Variants in TRIP13 observed in about 807,000 individuals in gnomAD.
The protein encoded by TRIP13 is thyroid hormone receptor interactor 13, also known as pachytene checkpoint protein 2 homolog.
TRIP13 carries 25 observed loss-of-function variants against 54.4 expected under a neutral mutation model. That is an observed-to-expected ratio of 0.46 (90% confidence interval 0.33 to 0.64). The LOEUF (loss-of-function observed/expected upper bound fraction) is 0.64. TRIP13 is among the 30% of genes least tolerant of loss of function. The pLI, the probability that TRIP13 is intolerant of heterozygous loss-of-function variation, is 0.02. For missense variants in TRIP13, 373 were observed against 534.2 expected (o/e 0.70, Z 2.97); for synonymous variants, 207 against 207.8 (o/e 1.00, Z 0.03).
At chr5:903,925 C>T (rs1754050722) in intron 5 of TRIP13, among the ~76,000 whole-genome samples, 1 of 152,034 alleles carries the variant, frequency 6.6e-6, no homozygotes, top group Non-Finnish European at 1.5e-5. Context: ...GAGGCTGAGA[C>T]CAGAAATACG....
rs986218731 is a variant in TRIP13 at position 917,668 on chromosome 5, T to C, written c.*565T>C. ...ATTATACCAACTGAGAAAAAAATGG[T>C]CGGTAAAGTGTTCTTTCATAATAAA... is the stretch of plus-strand genomic sequence containing the variant. On this transcript the variant is annotated 3_prime_UTR_variant, in exon 13 of 13. Transcript: ENST00000166345. 3.3e-5 allele frequency: 5 copies of C among 152,240 alleles called. No homozygotes were observed. The highest frequency in any genetic ancestry group is 1.3e-4 in the Admixed American group (2 of 15,272). 9.4% of individuals were successfully genotyped at this position (152,240 alleles called of 1,614,324 possible).
Position 907,099 on chromosome 5 carries a change from T to G in TRIP13, c.609-31T>G, listed in dbSNP as rs763312933. ...GCTGAGGATCCACAGGACCAGTTAG[T>G]AATTCTCTCAACTCCTTTTTTCTAT... On this transcript the variant is annotated intron_variant, in intron 6 of 12. Coordinates refer to ENST00000166345, the MANE Select transcript of TRIP13 (RefSeq NM_004237.4). This position sits in a 1 kb window ranked among gnomAD's most constrained non-coding sequence, Gnocchi z 4.1. The G allele has an allele frequency of 6.2e-7, 1 of 1,602,586 alleles. No homozygotes were observed. Among genetic ancestry groups the G allele is most frequent in the East Asian group, 2.2e-5 (1 of 44,824 alleles).
intron 6 of TRIP13, among the ~76,000 whole-genome samples, chr5:906,831 T>C (rs1053753134): frequency 6.6e-6 from 1 of 152,232 alleles, no homozygotes; most frequent in African/African-American, 2.4e-5. Flanking sequence ...TTGTTTTCTG[T>C]CTTATGTTAG....
intron 12 of TRIP13, 117 bp downstream of exon 12, chr5:916,090 C>G (rs931779189): frequency 1.6e-5 from 18 of 1,115,548 alleles, no homozygotes; most frequent in Non-Finnish European, 2.1e-5. Flanking sequence ...TTCTAAACCA[C>G]AGGGTCCTGG....
chr5:911,691 T>G lies in TRIP13; in HGVS notation c.867-152T>G. On this transcript the variant is annotated intron_variant, in intron 9 of 12. Transcript: ENST00000166345. This position sits in a 1 kb window ranked among gnomAD's most constrained non-coding sequence, Gnocchi z 4.7. The stretch of plus-strand genomic sequence containing the variant: ...AGCAGCGAGAGCAAAGGCTGGGGGG[T>G]CTGCGTGGCCTGTGTTGGCACAAGG... The G allele has an allele frequency of 3.5e-6, 3 of 852,598 alleles. No individual in the cohort carries two copies. Among genetic ancestry groups the G allele is most frequent in the East Asian group, 2.9e-5 (1 of 34,882 alleles). 52.8% of individuals were successfully genotyped at this position (852,598 alleles called of 1,614,324 possible). A position where few individuals can be genotyped will look rare whatever the true frequency, so the allele number is the denominator to read the frequency against.
Position 892,943 on chromosome 5 carries a change from G to C in TRIP13, c.-56G>C, listed in dbSNP as rs971984864. On this transcript the variant is annotated 5_prime_UTR_variant, in exon 1 of 13. Coordinates refer to ENST00000166345, the MANE Select transcript of TRIP13 (RefSeq NM_004237.4). ...GCAGCGGCTGTGGCGGCGACGCTGG[G>C]CGTGAGGTGGCGGCGGCCGCGCCCT... 9 of 1,411,286 alleles carry C rather than the reference G, an allele frequency of 6.4e-6. No individual in the cohort carries two copies. Among genetic ancestry groups the C allele is most frequent in the Non-Finnish European group, 8.4e-6 (9 of 1,076,146 alleles). The allele number at this position is 1,411,286 out of a possible 1,614,324, so 87.4% of individuals were successfully genotyped here. A position where few individuals can be genotyped will look rare whatever the true frequency, so the allele number is the denominator to read the frequency against.
At position 894,778 on chromosome 5, in the gene TRIP13, T is replaced by G. The variant is rs771033212; in HGVS notation, c.93-9T>G. The G allele has an allele frequency of 4.4e-6, 7 of 1,584,386 alleles. No homozygotes were observed. The highest frequency in any genetic ancestry group is 6.0e-6 in the Non-Finnish European group (7 of 1,167,816). ...GATCATTTATGTGTGTTTTGGCTTC[T>G]TTTTTTAGCACTGCAAAGAAAGAAG... On this transcript the variant is annotated splice_polypyrimidine_tract_variant and intron_variant, in intron 1 of 12. Coordinates refer to ENST00000166345, the MANE Select transcript of TRIP13 (RefSeq NM_004237.4).
intron 9 of TRIP13, chr5:909,022 A>G (rs1329675412): frequency 6.3e-6 from 1 of 158,818 alleles, no homozygotes; most frequent in African/African-American, 2.4e-5. Flanking sequence ...AGAAAAGCAT[A>G]AAATGAAGAA....
Position 907,231 on chromosome 5 carries a change from A to T in TRIP13, c.672+38A>T, listed in dbSNP as rs767349707. ...TATTAATTCTAATTGTCTGGATTGT[A>T]TAGCTGAAAAAATGTCTTGTATGTT... On this transcript the variant is annotated intron_variant, in intron 7 of 12. Transcript: ENST00000166345. This position sits in a 1 kb window ranked among gnomAD's most constrained non-coding sequence, Gnocchi z 4.1. 6.4e-7 allele frequency: 1 copy of T among 1,565,096 alleles called. No individual in the cohort carries two copies. Among genetic ancestry groups the T allele is most frequent in the East Asian group, 2.2e-5 (1 of 44,608 alleles).
chr5:913,385 C>T lies in TRIP13; in HGVS notation c.1021-1080C>T, dbSNP rs560454875. On this transcript the variant is annotated intron_variant, in intron 10 of 12. Coordinates refer to ENST00000166345, the MANE Select transcript of TRIP13 (RefSeq NM_004237.4). The surrounding 1 kb of genome is among the most constrained non-coding windows in gnomAD (Gnocchi z 4.5). Reference sequence around the variant, plus strand: ...TTGTTTGTTTATTTTGAGACACAGTCTCACTCTTACCTAGAGCTGGAGTAC... The same window carrying T: ...TTGTTTGTTTATTTTGAGACACAGTTTCACTCTTACCTAGAGCTGGAGTAC... 6.6e-6 allele frequency among the ~76,000 whole-genome samples: 1 copy of T among 152,176 alleles called. No individual in the cohort carries two copies. Among genetic ancestry groups the T allele is most frequent in the Non-Finnish European group, 1.5e-5 (1 of 68,038 alleles).
At position 906,120 on chromosome 5, in the gene TRIP13, G is replaced by C. The variant is rs533022060; in HGVS notation, c.609-1010G>C. On this transcript the variant is annotated intron_variant, in intron 6 of 12. Transcript: ENST00000166345. Reference sequence around the variant, plus strand: ...CCAGCTTCTTTTGAGGCTGAGGTGGGAGGATCACCTTAGCCCAGGAGGTCC... The same window carrying C: ...CCAGCTTCTTTTGAGGCTGAGGTGGCAGGATCACCTTAGCCCAGGAGGTCC... Among the ~76,000 whole-genome samples, 8 of 152,304 alleles carry C rather than the reference G, an allele frequency of 5.3e-5. No individual in the cohort carries two copies. In the South Asian group the frequency reaches 1.2e-3, roughly 24 times the overall value.
chr5:912,556 G>T lies in TRIP13; in HGVS notation c.1020+560G>T, dbSNP rs1754260126. On this transcript the variant is annotated intron_variant, in intron 10 of 12. Transcript: ENST00000166345. This position sits in a 1 kb window ranked among gnomAD's most constrained non-coding sequence, Gnocchi z 7.2. ...GCAGAGCGACGCGTGCGGGGAGCGTGTGTGAGTCAGGAGGGCCGTCGCCAC... is the reference window on the plus strand; with the variant it reads ...GCAGAGCGACGCGTGCGGGGAGCGTTTGTGAGTCAGGAGGGCCGTCGCCAC... Among the ~76,000 whole-genome samples the T allele has an allele frequency of 6.9e-6, 1 of 144,724 alleles. No individual in the cohort carries two copies. Among genetic ancestry groups the T allele is most frequent in the Non-Finnish European group, 1.5e-5 (1 of 67,450 alleles). 94.9% of individuals were successfully genotyped at this position (144,724 alleles called of 152,430 possible).
At chr5:916,851 G>A (rs867166896) in intron 12 of TRIP13, among the ~76,000 whole-genome samples, 157 bp from the exon 13 acceptor site, 20 of 152,298 alleles carry the variant, frequency 1.3e-4, no homozygotes, top group African/African-American at 3.1e-4. Flanking sequence ...GCTGATGTGC[G>A]TCCTGGACGT....
chr5:895,539 A>G (rs1041732253), intron 2 of TRIP13, among the ~76,000 whole-genome samples: 2 of 152,210 alleles, frequency 1.3e-5, no homozygotes, highest in African/African-American at 4.8e-5. Context: ...CCAGCTGTGA[A>G]GGACAGGCTT....
chr5:900,387 G>T, intron 3 of TRIP13, 107 bp from the exon 4 acceptor site: 1 of 1,068,702 alleles, frequency 9.4e-7, no homozygotes, highest in Non-Finnish European at 1.4e-6. Flanking sequence ...AGTCTTGCCT[G>T]GAGCAGCACA....
chr5:914,681 ACT>A, intron 11 of TRIP13, 104 bp downstream of exon 11: 2 of 834,606 alleles, frequency 2.4e-6, no homozygotes, highest in Non-Finnish European at 4.0e-6. Flanking sequence ...CTGGGTGTGA[ACT>A]CTCAACACAG....
At chr5:904,950 T>C (rs548833637) in intron 6 of TRIP13, among the ~76,000 whole-genome samples, 1 of 152,334 alleles carries the variant, frequency 6.6e-6, no homozygotes, top group South Asian at 2.1e-4. Context: ...CTGATTGTGT[T>C]TCTATTGACT....
intron 5 of TRIP13, among the ~76,000 whole-genome samples, chr5:902,026 T>C (rs1754003029): frequency 6.6e-6 from 1 of 152,350 alleles, no homozygotes; most frequent in Middle Eastern, 3.4e-3. Flanking sequence ...AAACCTTATG[T>C]AGACTATTTT....
At position 908,526 on chromosome 5, in the gene TRIP13, G is replaced by A; in HGVS notation, c.866+65G>A. On this transcript the variant is annotated intron_variant, in intron 9 of 12. Transcript: ENST00000166345. This position sits in a 1 kb window ranked among gnomAD's most constrained non-coding sequence, Gnocchi z 5.2. ...AGAAGTTTGTCCCAAAGAAATGCGT[G>A]ATACTTGTGCAACCCTAGATCTTAG... 1.3e-6 allele frequency: 2 copies of A among 1,599,822 alleles called. No individual in the cohort carries two copies. The highest frequency in any genetic ancestry group is 8.5e-7 in the Non-Finnish European group (1 of 1,174,484).
Sources: allele counts gnomAD v4.1 joint callset (sites outside exome capture counted in the v4.1 genomes callset), GRCh38; gene constraint gnomAD v4.1.1; non-coding constraint Gnocchi (gnomAD v3.1); transcripts MANE v1.5; gene names NCBI Gene and HGNC (gene_info 2026-07-23, HGNC 2026-07-21).